CUL5: variants seen among roughly 807,000 people sequenced by gnomAD.
The protein encoded by CUL5 is cullin-5.
CUL5 carries 26 observed loss-of-function variants against 108.8 expected under a neutral mutation model. The observed-to-expected ratio is 0.24, with a 90% CI of 0.18 to 0.33. The LOEUF is 0.33. Ranked by LOEUF, CUL5 falls within the 10% of genes least tolerant of loss-of-function variation. The pLI is 1.00. For missense variants in CUL5, 524 were observed against 909.2 expected (o/e 0.58, Z 5.45); for synonymous variants, 334 against 298.0 (o/e 1.12, Z -1.25).
At chr11:108,070,011 A>T in intron 7 of CUL5, 85 bp from the exon 8 acceptor site, 2 of 826,776 alleles carry the variant, frequency 2.4e-6, no homozygotes, top group Admixed American at 2.4e-5. Context: ...TTTTTTGTTG[A>T]ACAATATTGT....
At chr11:108,082,918 T>C (rs1445815948) in intron 11 of CUL5, among the ~76,000 whole-genome samples, 1 of 152,202 alleles carries the variant, frequency 6.6e-6, no homozygotes, top group Admixed American at 6.5e-5. Context: ...TGAGCTACCA[T>C]GCCCAACCAC....
Position 108,020,387 on chromosome 11 carries a change from G to A in CUL5, c.24+11015G>A, listed in dbSNP as rs577314911. Among the ~76,000 whole-genome samples, 7 of 152,238 alleles carry A rather than the reference G, an allele frequency of 4.6e-5. No individual in the cohort carries two copies. The South Asian group carries it at 1.2e-3, about 27-fold the overall frequency. ...GGTTGAAGACAGTGATGATGATCCT[G>A]ACCCTGTGGAGGCCTAGGCTAGTGT... On this transcript the variant is annotated intron_variant, in intron 1 of 18. Coordinates refer to ENST00000393094, the MANE Select transcript of CUL5 (RefSeq NM_003478.6).
At chr11:108,093,442 G>A (rs1469005644) in intron 13 of CUL5, among the ~76,000 whole-genome samples, 2 of 152,064 alleles carry the variant, frequency 1.3e-5, no homozygotes, top group East Asian at 3.9e-4. Flanking sequence ...CTCAACACTG[G>A]CATTGTCAGC....
chr11:108,082,278 T>C (rs1298006267), intron 11 of CUL5, among the ~76,000 whole-genome samples: 5 of 149,614 alleles, frequency 3.3e-5, no homozygotes, highest in African/African-American at 5.0e-5. Context: ...TCTTCTCTCT[T>C]TCTTTCTGTT....
chr11:108,065,523 T>C (rs537537036), intron 7 of CUL5, among the ~76,000 whole-genome samples: 315 of 152,272 alleles, frequency 2.1e-3, no homozygotes, highest in Non-Finnish European at 3.5e-3. Context: ...AAATGCTCCC[T>C]CCATGGGCAT....
chr11:108,053,140 T>C (rs547685418), intron 5 of CUL5, among the ~76,000 whole-genome samples: 1 of 152,220 alleles, frequency 6.6e-6, no homozygotes, highest in Non-Finnish European at 1.5e-5. Context: ...GTTACTTCCA[T>C]GAAAAGGAGA....
chr11:108,053,826 GCACCAC>G, intron 5 of CUL5, among the ~76,000 whole-genome samples: 1 of 151,804 alleles, frequency 6.6e-6, no homozygotes. Context: ...CTGCAGGCAT[GCACCAC>G]CACACCTGGC....
At chr11:108,076,134 G>A (rs1253627492) in intron 10 of CUL5, among the ~76,000 whole-genome samples, 1 of 152,106 alleles carries the variant, frequency 6.6e-6, no homozygotes, top group Non-Finnish European at 1.5e-5. Context: ...CTGGGCTCAG[G>A]TGATCTTCCC....
chr11:108,099,818 AG>A (rs1302967277), intron 18 of CUL5, among the ~76,000 whole-genome samples: 1 of 152,174 alleles, frequency 6.6e-6, no homozygotes, highest in Admixed American at 6.5e-5. Context: ...GGAACCAGAC[AG>A]TATGTACTTT....
At position 108,018,453 on chromosome 11, in the gene CUL5, G is replaced by C. The variant is rs566499218; in HGVS notation, c.24+9081G>C. 5.3e-5 allele frequency among the ~76,000 whole-genome samples: 8 copies of C among 152,082 alleles called. No homozygotes were observed. The South Asian group carries it at 1.2e-3, about 24-fold the overall frequency. ...AGGCTGAGGCAGGCGGATCATGTGA[G>C]GTCAGGAGTTCAAGACCATCCTGGC... On this transcript the variant is annotated intron_variant, in intron 1 of 18. Coordinates refer to ENST00000393094, the MANE Select transcript of CUL5 (RefSeq NM_003478.6).
chr11:108,091,103 T>C (rs547364368), intron 13 of CUL5, among the ~76,000 whole-genome samples: 81 of 152,110 alleles, frequency 5.3e-4, no homozygotes, highest in African/African-American at 1.9e-3. Context: ...CCAGGCTGGA[T>C]TGCAGTGGTG....
At chr11:108,048,680 T>G (rs1199208446) in intron 3 of CUL5, among the ~76,000 whole-genome samples, 2 of 107,268 alleles carry the variant, frequency 1.9e-5, no homozygotes, top group Admixed American at 1.9e-4. Flanking sequence ...TTTTTTTTTT[T>G]TTTTGAGGTG....
intron 11 of CUL5, among the ~76,000 whole-genome samples, chr11:108,088,251 G>T: frequency 6.6e-6 from 1 of 151,976 alleles, no homozygotes; most frequent in East Asian, 1.9e-4. Context: ...CATTGCCAAG[G>T]TCAGCACTAG....
chr11:108,087,417 A>G (rs1864244724), intron 11 of CUL5, among the ~76,000 whole-genome samples: 1 of 152,222 alleles, frequency 6.6e-6, no homozygotes, highest in Admixed American at 6.5e-5. Context: ...AGAAATTTCA[A>G]AATCTTCAAT....
At chr11:108,068,515 A>G (rs17679325) in intron 7 of CUL5, among the ~76,000 whole-genome samples, 29,730 of 151,196 alleles carry the variant, frequency 0.2, 3,037 homozygotes, top group Non-Finnish European at 0.23. Context: ...GAAGAACAGT[A>G]TAATGAATCC....
At position 108,107,543 on chromosome 11, in the gene CUL5, A is replaced by G. The variant is rs542995640; in HGVS notation, c.*3159A>G. On this transcript the variant is annotated 3_prime_UTR_variant, in exon 19 of 19. Transcript: ENST00000393094. ...TATATGTTGTCTGGAGTGTTGAACA[A>G]ATTTATTTTAGTTTCTAAGTTGTAA... The G allele has an allele frequency of 2.5e-4, 38 of 152,714 alleles. No homozygotes were observed. Among genetic ancestry groups the G allele is most frequent in the African/African-American group, 9.1e-4 (38 of 41,556 alleles). 9.5% of individuals were successfully genotyped at this position (152,714 alleles called of 1,614,324 possible). A position where few individuals can be genotyped will look rare whatever the true frequency, so the allele number is the denominator to read the frequency against.
At chr11:108,054,163 A>G (rs1040366152) in intron 5 of CUL5, among the ~76,000 whole-genome samples, 43 of 152,130 alleles carry the variant, frequency 2.8e-4, no homozygotes, top group Non-Finnish European at 1.3e-4. Flanking sequence ...TTCTGTAGAC[A>G]CATGATTTTA....
At chr11:108,101,913 G>T (rs1864681127) in intron 18 of CUL5, among the ~76,000 whole-genome samples, 1 of 152,188 alleles carries the variant, frequency 6.6e-6, no homozygotes, top group African/African-American at 2.4e-5. Flanking sequence ...CTGAACCCCT[G>T]ACATAAACCC....
chr11:108,064,158 G>A (rs990232164), intron 7 of CUL5, among the ~76,000 whole-genome samples: 8 of 152,188 alleles, frequency 5.3e-5, no homozygotes, highest in African/African-American at 1.2e-4. Flanking sequence ...TACTAGCTAC[G>A]GGTCTCTCAT....
Sources: gnomAD v4.1 joint callset for allele counts (sites outside exome capture counted in the v4.1 genomes callset) on GRCh38, gnomAD v4.1.1 for gene constraint, MANE v1.5 for transcripts, NCBI Gene and HGNC (gene_info 2026-07-23, HGNC 2026-07-21) for gene names.